WWP1: variants seen among roughly 807,000 people sequenced by gnomAD.
The protein encoded by WWP1 is NEDD4-like E3 ubiquitin-protein ligase WWP1.
Under a neutral mutation model 130.6 loss-of-function variants are expected in WWP1, and 49 were observed. That is an observed-to-expected ratio of 0.38 (90% CI 0.30 to 0.48). WWP1 has a LOEUF of 0.48. WWP1 is among the 20% of genes least tolerant of loss of function. The pLI, the probability that WWP1 is intolerant of heterozygous loss-of-function variation, is 0.99. For synonymous variants in WWP1, 332 were observed against 367.8 expected (o/e 0.90, Z 1.11); for missense variants, 809 against 1,100.6 (o/e 0.74, Z 3.75).
At position 86,364,855 on chromosome 8, in the gene WWP1, GAGAA is replaced by G. The variant is rs1823875038; in HGVS notation, c.-114-4079_-114-4076del. Among the ~76,000 whole-genome samples, 4 of 151,456 alleles carry G rather than the reference GAGAA, an allele frequency of 2.6e-5. No homozygotes were observed. In the South Asian group the frequency reaches 8.4e-4, roughly 32 times the overall value. ...AGAAAGAGAGAGAGAGAGAGAGAGA[GAGAA>G]AGAAGAAAGAGAGAAAGAAAGAAAG... On this transcript the variant is annotated intron_variant, in intron 1 of 24. Coordinates refer to ENST00000517970, the MANE Select transcript of WWP1 (RefSeq NM_007013.4).
At position 86,467,014 on chromosome 8, in the gene WWP1, T is replaced by C; in HGVS notation, c.*121T>C. 1.4e-6 allele frequency: 1 copy of C among 693,674 alleles called. No homozygotes were observed. The highest frequency in any genetic ancestry group is 2.4e-6 in the Non-Finnish European group (1 of 409,372). The allele number at this position is 693,674 out of a possible 1,614,324, so 43.0% of individuals were successfully genotyped here. A position where few individuals can be genotyped will look rare whatever the true frequency, so the allele number is the denominator to read the frequency against. ...TGAATTTTCCGAACCTCTCAAAGTA[T>C]GTTTTCCGTTCTTCCACAGAAATAT... On this transcript the variant is annotated 3_prime_UTR_variant, in exon 25 of 25. Transcript: ENST00000517970.
intron 8 of WWP1, among the ~76,000 whole-genome samples, chr8:86,410,100 A>T (rs985402501): frequency 2.0e-5 from 3 of 152,158 alleles, no homozygotes. Context: ...GAATTTATAC[A>T]TGATGTTAGT....
chr8:86,361,993 C>CAT (rs1563465152), intron 1 of WWP1, among the ~76,000 whole-genome samples: 2 of 119,214 alleles, frequency 1.7e-5, no homozygotes, highest in Non-Finnish European at 3.7e-5. Flanking sequence ...TATATATATA[C>CAT]ATATATATAC....
At chr8:86,380,978 G>A in intron 4 of WWP1, 114 bp downstream of exon 4, 1 of 1,280,696 alleles carries the variant, frequency 7.8e-7, no homozygotes, top group Non-Finnish European at 1.0e-6. Flanking sequence ...TTAAAGTGTG[G>A]ATCGACAATT....
At chr8:86,402,230 G>A (rs1329502196) in intron 8 of WWP1, 27 bp downstream of exon 8, 2 of 1,602,872 alleles carry the variant, frequency 1.2e-6, no homozygotes, top group East Asian at 4.5e-5. Flanking sequence ...ATGACACCTT[G>A]TTTAAAGGAA....
chr8:86,389,055 T>G (rs1406304405), intron 5 of WWP1, among the ~76,000 whole-genome samples: 1 of 152,206 alleles, frequency 6.6e-6, no homozygotes, highest in Non-Finnish European at 1.5e-5. Flanking sequence ...CCCTTAAAAT[T>G]GTATTTCTTA....
chr8:86,445,976 C>CTTTTCTTTTCTTTCT (rs1216312552), intron 18 of WWP1, among the ~76,000 whole-genome samples: 4 of 84,984 alleles, frequency 4.7e-5, no homozygotes, highest in Non-Finnish European at 9.1e-5. Flanking sequence ...CTTTTCTTTT[C>CTTTTCTTTTCTTTCT]TTTTTTTTTT....
Position 86,435,517 on chromosome 8 carries a change from A to AT in WWP1, c.1670dup (p.Leu557PhefsTer5). The AT allele has an allele frequency of 6.2e-7, 1 of 1,614,150 alleles. No homozygotes were observed. Among genetic ancestry groups the AT allele is most frequent in the Non-Finnish European group, 8.5e-7 (1 of 1,180,020 alleles). On this transcript the variant is annotated frameshift_variant, in exon 15 of 25. Coordinates refer to ENST00000517970, the MANE Select transcript of WWP1 (RefSeq NM_007013.4). LOFTEE classifies it high-confidence loss of function. Reference sequence around the variant, plus strand: ...AGGTGGAAGCTTGCTCACTTCCGTTATTTGTGCCAGGTACTATAGTGGTAA... The same window carrying AT: ...AGGTGGAAGCTTGCTCACTTCCGTTATTTTGTGCCAGGTACTATAGTGGTAA...
chr8:86,384,316 G>T (rs1825162103), intron 5 of WWP1, among the ~76,000 whole-genome samples: 1 of 152,180 alleles, frequency 6.6e-6, no homozygotes, highest in African/African-American at 2.4e-5. Flanking sequence ...TAAATCTCAT[G>T]ATAGTATCAT....
intron 9 of WWP1, chr8:86,417,192 A>T (rs760295743): frequency 1.3e-5 from 2 of 152,264 alleles, no homozygotes; most frequent in African/African-American, 2.4e-5. Flanking sequence ...TGTTGTCAGC[A>T]GCGGGAACTG....
At chr8:86,344,132 T>C (rs1333457575) in intron 1 of WWP1, among the ~76,000 whole-genome samples, 13 of 152,226 alleles carry the variant, frequency 8.5e-5, no homozygotes, top group Admixed American at 8.5e-4. Flanking sequence ...CTAGAAATGA[T>C]CATTTTTCAT....
chr8:86,367,082 C>T (rs1158032289), intron 1 of WWP1, among the ~76,000 whole-genome samples: 1 of 152,188 alleles, frequency 6.6e-6, no homozygotes, highest in Non-Finnish European at 1.5e-5. Context: ...TGCAGGCTTT[C>T]TAACCTTTTA....
At chr8:86,384,204 C>T (rs55727343) in intron 5 of WWP1, among the ~76,000 whole-genome samples, 56,464 of 151,944 alleles carry the variant, frequency 0.37, 11,363 homozygotes, top group Middle Eastern at 0.48. Context: ...TCTCTAAAAA[C>T]GTCACATTTT....
chr8:86,343,663 G>C (rs1193303189), intron 1 of WWP1, among the ~76,000 whole-genome samples: 1 of 152,080 alleles, frequency 6.6e-6, no homozygotes, highest in African/African-American at 2.4e-5. Context: ...TTTCTCTGCT[G>C]TGGTAAATAT....
At chr8:86,361,559 A>G (rs929253101) in intron 1 of WWP1, among the ~76,000 whole-genome samples, 10 of 152,088 alleles carry the variant, frequency 6.6e-5, no homozygotes, top group Admixed American at 2.6e-4. Flanking sequence ...TTTGTCTCTT[A>G]GATTTCTCTC....
intron 1 of WWP1, among the ~76,000 whole-genome samples, chr8:86,344,787 T>C (rs1822471993): frequency 6.6e-6 from 1 of 152,164 alleles, no homozygotes; most frequent in African/African-American, 2.4e-5. Context: ...GAGTTCCTGT[T>C]TGGGGAAAGG....
At chr8:86,365,913 G>A (rs1012417932) in intron 1 of WWP1, among the ~76,000 whole-genome samples, 2 of 152,192 alleles carry the variant, frequency 1.3e-5, no homozygotes, top group Admixed American at 6.5e-5. Context: ...AATAAAGACA[G>A]AACCTGGGAA....
intron 7 of WWP1, among the ~76,000 whole-genome samples, chr8:86,399,754 G>A (rs1475903318): frequency 1.3e-5 from 2 of 152,114 alleles, no homozygotes; most frequent in African/African-American, 4.8e-5. Flanking sequence ...TCTACAGTAC[G>A]GGGAGAAATT....
chr8:86,434,954 C>T (rs1259049880), intron 14 of WWP1, among the ~76,000 whole-genome samples: 4 of 152,170 alleles, frequency 2.6e-5, no homozygotes, highest in South Asian at 2.1e-4. Flanking sequence ...TCCTAGGTGC[C>T]GTGCCACCAA....
Sources: allele counts gnomAD v4.1 joint callset (sites outside exome capture counted in the v4.1 genomes callset), GRCh38; gene constraint gnomAD v4.1.1; transcripts MANE v1.5; gene names NCBI Gene and HGNC (gene_info 2026-07-23, HGNC 2026-07-21).